STX2: variants seen among roughly 807,000 people sequenced by gnomAD.
The protein encoded by STX2 is syntaxin-2.
STX2 carries 27 observed loss-of-function variants against 40.6 expected under a neutral mutation model. The ratio of observed to expected loss-of-function variants is 0.66; its 90% CI spans 0.49 to 0.92. STX2 has a LOEUF of 0.92. STX2 is among the 40% of genes least tolerant of loss of function. STX2 has a pLI of 0.00. For synonymous variants in STX2, 123 were observed against 119.1 expected (o/e 1.03, Z -0.22); for missense variants, 328 against 366.1 (o/e 0.90, Z 0.85).
intron 5 of STX2, among the ~76,000 whole-genome samples, chr12:130,807,754 A>G (rs891915143): frequency 2.6e-5 from 4 of 152,208 alleles, no homozygotes; most frequent in African/African-American, 9.6e-5. Flanking sequence ...ATTTTTCTTC[A>G]CAATAAAGAG....
chr12:130,809,484 A>C (rs1056062295), intron 4 of STX2, among the ~76,000 whole-genome samples: 1 of 152,242 alleles, frequency 6.6e-6, no homozygotes, highest in African/African-American at 2.4e-5. Flanking sequence ...TCAAAGAAAA[A>C]ATAAAGCAAA....
At chr12:130,809,204 A>ATG in intron 4 of STX2, among the ~76,000 whole-genome samples, 1 of 152,316 alleles carries the variant, frequency 6.6e-6, no homozygotes, top group African/African-American at 2.4e-5. Context: ...ATACACACAG[A>ATG]TATATATACA....
chr12:130,828,651 G>C (rs1393844456), intron 1 of STX2, among the ~76,000 whole-genome samples: 1 of 151,434 alleles, frequency 6.6e-6, no homozygotes, highest in South Asian at 2.1e-4. Context: ...TGGATCACGA[G>C]ATCAGGAGAT....
rs775840299 is a variant in STX2 at position 130,827,287 on chromosome 12, A to G, written c.31-20T>C. The G allele has an allele frequency of 1.2e-6, 2 of 1,609,048 alleles. No homozygotes were observed. The highest frequency in any genetic ancestry group is 8.5e-7 in the Non-Finnish European group (1 of 1,176,244). On this transcript the variant is annotated intron_variant, in intron 1 of 10. Transcript: ENST00000392373. ...CCTACACTACAATGAAAAATGGAAA[A>G]TTCAGTTTTTTAAAATTTTTATGTA... is the stretch of plus-strand genomic sequence containing the variant.
intron 3 of STX2, among the ~76,000 whole-genome samples, chr12:130,820,618 A>T (rs1952074717): frequency 6.6e-6 from 1 of 152,188 alleles, no homozygotes; most frequent in South Asian, 2.1e-4. Flanking sequence ...GTGAGCCGAG[A>T]CTGTGCCACT....
At chr12:130,833,227 ACACAAATG>A (rs1952637734) in intron 1 of STX2, among the ~76,000 whole-genome samples, 1 of 152,012 alleles carries the variant, frequency 6.6e-6, no homozygotes. Context: ...GGGAAAGTAC[ACACAAATG>A]ACAAACGTCA....
intron 3 of STX2, among the ~76,000 whole-genome samples, chr12:130,817,137 A>G (rs76244318): frequency 0.013 from 1,963 of 152,230 alleles, 42 homozygotes; most frequent in African/African-American, 0.045. Flanking sequence ...TGAAAACCCA[A>G]CAAAAAGAGA....
chr12:130,806,868 A>T, intron 6 of STX2, 114 bp downstream of exon 6: 1 of 977,094 alleles, frequency 1.0e-6, no homozygotes, highest in Non-Finnish European at 1.5e-6. Context: ...TTTGGGTTTT[A>T]CACTATTGGT....
chr12:130,796,123 G>A lies in STX2; in HGVS notation c.787-3C>T. On this transcript the variant is annotated splice_region_variant and splice_polypyrimidine_tract_variant and intron_variant, in intron 9 of 10. Coordinates refer to ENST00000392373, the MANE Select transcript of STX2 (RefSeq NM_194356.4). ...ACAGCAATAATTATCCACTTTTTCT[G>A]TCAAAGAAAAGCAAGCTGATTATAT... 3.7e-6 allele frequency: 6 copies of A among 1,613,850 alleles called. No individual in the cohort carries two copies. Among genetic ancestry groups the A allele is most frequent in the Non-Finnish European group, 5.1e-6 (6 of 1,179,964 alleles).
intron 3 of STX2, among the ~76,000 whole-genome samples, chr12:130,814,941 G>C (rs975388277): frequency 1.3e-5 from 2 of 152,116 alleles, no homozygotes; most frequent in Admixed American, 6.6e-5. Context: ...AGCCTAAAAA[G>C]ATTATTTTTA....
chr12:130,814,572 C>T (rs1951786599), intron 3 of STX2, among the ~76,000 whole-genome samples: 1 of 149,034 alleles, frequency 6.7e-6, no homozygotes, highest in South Asian at 2.1e-4. Context: ...GGGCACCAGT[C>T]AGCACTGAAG....
At chr12:130,820,322 C>CA in intron 3 of STX2, among the ~76,000 whole-genome samples, 1 of 152,206 alleles carries the variant, frequency 6.6e-6, no homozygotes, top group Middle Eastern at 3.4e-3. Context: ...GGCCAATATG[C>CA]AAAAATCATT....
At position 130,807,085 on chromosome 12, in the gene STX2, C is replaced by G. The variant is rs371255534; in HGVS notation, c.360G>C (p.Ser120=). 5.0e-6 allele frequency: 8 copies of G among 1,614,078 alleles called. No individual in the cohort carries two copies. In the Admixed American group the frequency reaches 5.0e-5, roughly 10 times the overall value. ...VDLRIRRTQH[S]VLSRKFVEAM... Reference sequence around the variant, plus strand: ...CTTCCACAAACTTCCGAGACAGCACCGAATGCTAACAACACAGGAAAACTA... The same window carrying G: ...CTTCCACAAACTTCCGAGACAGCACGGAATGCTAACAACACAGGAAAACTA... Residue 120 remains serine, a synonymous_variant, in exon 6 of 11, where the codon TCG becomes TCC. Coordinates refer to ENST00000392373, the MANE Select transcript of STX2 (RefSeq NM_194356.4).
intron 4 of STX2, among the ~76,000 whole-genome samples, chr12:130,811,963 C>A (rs894222866): frequency 6.6e-6 from 1 of 152,164 alleles, no homozygotes; most frequent in African/African-American, 2.4e-5. Flanking sequence ...TAACTACCAA[C>A]CTACAGCAAA....
intron 1 of STX2, among the ~76,000 whole-genome samples, chr12:130,834,301 G>A (rs6486603): frequency 0.9 from 134,500 of 149,834 alleles, 60,439 homozygotes; most frequent in East Asian, 1. Flanking sequence ...AGGATGCAGT[G>A]AACTGAGATT....
intron 9 of STX2, 128 bp from the exon 10 acceptor site, chr12:130,796,248 C>A: frequency 8.2e-7 from 1 of 1,212,474 alleles, no homozygotes; most frequent in East Asian, 2.6e-5. Flanking sequence ...AATCTCAGCA[C>A]TTTGGGAGTC....
chr12:130,818,185 AATAT>A lies in STX2; in HGVS notation c.205+3500_205+3503del, dbSNP rs1168152790. Among the ~76,000 whole-genome samples the A allele has an allele frequency of 2.0e-3, 144 of 70,528 alleles. 9 individuals are homozygous for A. Among genetic ancestry groups the A allele is most frequent in the African/African-American group, 0.015 (130 of 8,410 alleles). The allele number at this position is 70,528 out of a possible 152,430, so 46.3% of individuals were successfully genotyped here. Reference sequence around the variant, plus strand: ...GCTGTTTCTACAAAAAAAAAAAAAAAATATATATATATATATATATATATATATA... The same window carrying A: ...GCTGTTTCTACAAAAAAAAAAAAAAAATATATATATATATATATATATATA... On this transcript the variant is annotated intron_variant, in intron 3 of 10. Transcript: ENST00000392373.
At chr12:130,792,028 A>C (rs1293956796) in intron 10 of STX2, 51 bp from the exon 11 acceptor site, 4 of 1,295,146 alleles carry the variant, frequency 3.1e-6, no homozygotes, top group African/African-American at 2.9e-5. Flanking sequence ...GAAATCAACA[A>C]TGGCATTTGC....
At chr12:130,819,703 T>C (rs763564691) in intron 3 of STX2, among the ~76,000 whole-genome samples, 8 of 152,232 alleles carry the variant, frequency 5.3e-5, no homozygotes, top group Non-Finnish European at 1.0e-4. Flanking sequence ...AGATGTTACA[T>C]AAAAGGTCCT....
Sources: allele counts gnomAD v4.1 joint callset (sites outside exome capture counted in the v4.1 genomes callset), GRCh38; gene constraint gnomAD v4.1.1; transcripts MANE v1.5; gene names NCBI Gene and HGNC (gene_info 2026-07-23, HGNC 2026-07-21).